DCDC1: variants seen among roughly 807,000 people sequenced by gnomAD.
The protein encoded by DCDC1 is doublecortin domain-containing protein 1.
Under a neutral mutation model 178.3 loss-of-function variants are expected in DCDC1, and 200 were observed. The observed-to-expected ratio is 1.12, with a 90% confidence interval of 1.00 to 1.26. The LOEUF is 1.26. Ranked by LOEUF, DCDC1 falls within the 50% of genes most tolerant of loss-of-function variation. The probability of loss-of-function intolerance (pLI) is 0.00; values close to 1 mark genes in which losing one functional copy is unlikely to be tolerated. For missense variants in DCDC1, 1,983 were observed against 1,749.2 expected (o/e 1.13, Z -2.38); for synonymous variants, 690 against 604.8 (o/e 1.14, Z -2.07).
intron 9 of DCDC1, among the ~76,000 whole-genome samples, chr11:31,206,665 A>C (rs1304463943): frequency 6.6e-6 from 1 of 152,064 alleles, no homozygotes; most frequent in African/African-American, 2.4e-5. Context: ...CGCCCCCCTC[A>C]GTCCCTCCAA....
At chr11:31,103,292 A>G (rs1958624851) in intron 14 of DCDC1, among the ~76,000 whole-genome samples, 1 of 152,220 alleles carries the variant, frequency 6.6e-6, no homozygotes, top group Non-Finnish European at 1.5e-5. Context: ...TTAAATGTGA[A>G]CACTCACACA....
intron 7 of DCDC1, among the ~76,000 whole-genome samples, chr11:31,289,792 T>A (rs1947093127): frequency 1.3e-5 from 2 of 151,994 alleles, no homozygotes; most frequent in African/African-American, 4.8e-5. Context: ...ACTACTGTTA[T>A]CTCTGTTTTT....
intron 38 of DCDC1, 21 bp downstream of exon 38, chr11:30,878,523 A>G (rs758841307): frequency 4.1e-6 from 6 of 1,476,192 alleles, no homozygotes; most frequent in Admixed American, 2.5e-5. Context: ...AACAAACATG[A>G]GTATGTGCAC....
intron 36 of DCDC1, chr11:30,883,295 G>A (rs917739808): frequency 4.0e-5 from 8 of 197,782 alleles, no homozygotes; most frequent in Non-Finnish European, 7.5e-5. Flanking sequence ...GGCAGACTAG[G>A]TGGAGAAGAT....
At chr11:31,286,434 T>C (rs1946844816) in intron 7 of DCDC1, among the ~76,000 whole-genome samples, 1 of 151,938 alleles carries the variant, frequency 6.6e-6, no homozygotes, top group African/African-American at 2.4e-5. Context: ...CAAATTATGC[T>C]GCATAAACCC....
intron 25 of DCDC1, 64 bp downstream of exon 25, chr11:30,920,712 T>C (rs1946189439): frequency 2.5e-6 from 4 of 1,579,608 alleles, no homozygotes; most frequent in Non-Finnish European, 3.5e-6. Context: ...TGTGCTGTTA[T>C]CGGGCTAATG....
At chr11:31,036,574 T>C (rs1335641094) in intron 20 of DCDC1, among the ~76,000 whole-genome samples, 2 of 152,196 alleles carry the variant, frequency 1.3e-5, no homozygotes, top group African/African-American at 4.8e-5. Flanking sequence ...ACAGGCTTTA[T>C]GAATATTTAG....
chr11:31,197,997 G>A (rs1970878870), intron 9 of DCDC1, among the ~76,000 whole-genome samples: 1 of 152,006 alleles, frequency 6.6e-6, no homozygotes, highest in African/African-American at 2.4e-5. Context: ...ATTTTATGAA[G>A]TATACAGTTG....
At chr11:31,126,767 A>G (rs1008314699) in intron 11 of DCDC1, among the ~76,000 whole-genome samples, 6 of 152,222 alleles carry the variant, frequency 3.9e-5, no homozygotes, top group South Asian at 4.1e-4. Context: ...GACAATATTA[A>G]CTTGACAAAC....
intron 20 of DCDC1, among the ~76,000 whole-genome samples, chr11:31,036,684 T>C (rs929840443): frequency 6.6e-6 from 1 of 152,208 alleles, no homozygotes; most frequent in Admixed American, 6.5e-5. Context: ...TCAAGTCCCT[T>C]ATATATTTTA....
At chr11:31,205,235 C>T (rs1283972244) in intron 9 of DCDC1, among the ~76,000 whole-genome samples, 7 of 152,102 alleles carry the variant, frequency 4.6e-5, no homozygotes, top group East Asian at 1.9e-4. Flanking sequence ...GTTTTATTTA[C>T]GTATTGTCTA....
At chr11:30,901,310 C>G (rs562773552) in intron 32 of DCDC1, among the ~76,000 whole-genome samples, 1 of 152,254 alleles carries the variant, frequency 6.6e-6, no homozygotes, top group East Asian at 1.9e-4. Flanking sequence ...CATACATCAT[C>G]TCATGTGATT....
In DCDC1 at chr11:31,306,253, A is replaced by G; in HGVS notation, c.570T>C (p.Val190=). Residue 190 remains valine, a synonymous_variant, in exon 5 of 39, where the codon GTT becomes GTC. Coordinates refer to ENST00000684477, the MANE Select transcript of DCDC1 (RefSeq NM_001387274.1). The part of the protein sequence containing the change: ...KNGSRTVFAR[V]TVPTITLLLE... ...TTACCAAGGTGATGGTTGGTACAGT[A>G]ACTCTGGCAAAGACTGTTCTAGATC... The G allele has an allele frequency of 1.3e-6, 2 of 1,590,562 alleles. No homozygotes were observed. Among genetic ancestry groups the G allele is most frequent in the East Asian group, 2.3e-5 (1 of 43,964 alleles).
At chr11:31,301,940 C>T (rs1037779525) in intron 6 of DCDC1, among the ~76,000 whole-genome samples, 6 of 152,102 alleles carry the variant, frequency 3.9e-5, no homozygotes, top group South Asian at 2.1e-4. Context: ...TCTGTGACTA[C>T]GTCTTCACAA....
chr11:31,324,634 T>C (rs947617269), intron 3 of DCDC1, among the ~76,000 whole-genome samples: 68 of 152,266 alleles, frequency 4.5e-4, no homozygotes, highest in Middle Eastern at 3.4e-3. Flanking sequence ...ATTGCTGTTT[T>C]CTTCTCACTC....
chr11:30,890,485 T>G (rs1045455255), intron 36 of DCDC1, among the ~76,000 whole-genome samples: 1 of 152,220 alleles, frequency 6.6e-6, no homozygotes, highest in African/African-American at 2.4e-5. Context: ...CCACCCTAGG[T>G]GGGTACTGTG....
intron 7 of DCDC1, among the ~76,000 whole-genome samples, chr11:31,285,779 G>T (rs977276981): frequency 6.6e-6 from 1 of 151,896 alleles, no homozygotes; most frequent in Admixed American, 6.6e-5. Flanking sequence ...AGTAATAACA[G>T]GAAAAAGTAA....
At chr11:31,127,986 T>G (rs1004494633) in intron 10 of DCDC1, among the ~76,000 whole-genome samples, 1 of 152,124 alleles carries the variant, frequency 6.6e-6, no homozygotes, top group African/African-American at 2.4e-5. Context: ...GGACTTTAAA[T>G]AATCCAATGT....
intron 9 of DCDC1, among the ~76,000 whole-genome samples, chr11:31,235,024 T>C (rs953328991): frequency 4.6e-5 from 7 of 152,146 alleles, no homozygotes; most frequent in South Asian, 2.1e-4. Context: ...CTATCTTTAT[T>C]TGGAGTTTTT....
Sources: allele counts gnomAD v4.1 joint callset (sites outside exome capture counted in the v4.1 genomes callset), GRCh38; gene constraint gnomAD v4.1.1; transcripts MANE v1.5; gene names NCBI Gene and HGNC (gene_info 2026-07-23, HGNC 2026-07-21).